The following GRID1 variants were observed in gnomAD, a reference collection of about 807,000 sequenced individuals.
GRID1 encodes glutamate receptor ionotropic, delta-1.
A neutral mutation model predicts 98.0 loss-of-function variants in GRID1; 28 were observed. The observed-to-expected ratio is 0.29, with a 90% confidence interval of 0.21 to 0.39. The LOEUF is 0.39. Among genes scored for constraint, GRID1 ranks in the 10% least tolerant of loss-of-function variants. The pLI, the probability that GRID1 is intolerant of heterozygous loss-of-function variation, is 1.00. For missense variants in GRID1, 1,111 were observed against 1,340.5 expected, an observed-to-expected ratio of 0.83 and a Z score of 2.67; for synonymous variants, 553 against 538.5, an observed-to-expected ratio of 1.03 and a Z score of -0.37.
chr10:85,768,840 A>C (rs1590223082), intron 8 of GRID1, among the ~76,000 whole-genome samples: 1 of 152,244 alleles, frequency 6.6e-6, no homozygotes, highest in African/African-American at 2.4e-5. Context: ...TATTTAGCAA[A>C]GTCACAAACA....
rs79330344 is a variant in GRID1 at position 86,143,086 on chromosome 10, G to A, written c.521-4062C>T. 7.7e-3 allele frequency among the ~76,000 whole-genome samples: 1,178 copies of A among 152,262 alleles called. 18 individuals carry two copies. Among genetic ancestry groups the A allele is most frequent in the African/African-American group, 0.027 (1,113 of 41,536 alleles). On this transcript the variant is annotated intron_variant, in intron 3 of 15. Coordinates refer to ENST00000327946, the MANE Select transcript of GRID1 (RefSeq NM_017551.3). ...GAGACAGTTTATGCTCCTTGCCAGC[G>A]GTGGCTCCTCACACCTGAAATCAGT... is the stretch of plus-strand genomic sequence containing the variant.
At chr10:85,705,768 C>G (rs557118771) in intron 12 of GRID1, among the ~76,000 whole-genome samples, 1 of 152,184 alleles carries the variant, frequency 6.6e-6, no homozygotes, top group East Asian at 1.9e-4. Context: ...CATGAGCCAC[C>G]ACTTGGGCTT....
chr10:86,138,731 A>G, intron 4 of GRID1, 88 bp downstream of exon 4: 1 of 1,052,528 alleles, frequency 9.5e-7, no homozygotes, highest in Non-Finnish European at 1.5e-6. Context: ...GCCATGCGTA[A>G]GACGACTGTG....
intron 4 of GRID1, among the ~76,000 whole-genome samples, chr10:85,925,043 A>G (rs373761183): frequency 3.7e-4 from 56 of 152,380 alleles, no homozygotes; most frequent in African/African-American, 1.3e-3. Context: ...TAATATCAGC[A>G]GAAAAATGAA....
chr10:85,599,802 A>AAAAAAAAT lies in GRID1; in HGVS notation c.*2470_*2471insATTTTTTT. Reference sequence around the variant, plus strand: ...GTAGAAAATTCTAAAAAAAAAAAAAAATATATATATATATATATAAACATG... The same window carrying AAAAAAAAT: ...GTAGAAAATTCTAAAAAAAAAAAAAAAAAAAAATATATATATATATATATATAAACATG... On this transcript the variant is annotated 3_prime_UTR_variant, in exon 16 of 16. Transcript: ENST00000327946. 1.8e-4 allele frequency: 12 copies of AAAAAAAAT among 64,982 alleles called. 1 individual carries two copies. Among genetic ancestry groups the AAAAAAAAT allele is most frequent in the African/African-American group, 1.0e-3 (11 of 10,730 alleles). The allele number at this position is 64,982 out of a possible 1,614,324, so 4.0% of individuals were successfully genotyped here.
intron 4 of GRID1, among the ~76,000 whole-genome samples, chr10:86,062,489 C>T (rs1219108011): frequency 1.3e-5 from 2 of 152,104 alleles, no homozygotes. Context: ...TTCCCAGACT[C>T]CTCTGCGAGC....
rs569175576 is a variant in GRID1, at chr10:85,610,927, C to T, written c.2601+2480G>A. The stretch of plus-strand genomic sequence containing the variant: ...TGCTGTGCTTTTCCAACCTGCCTCT[C>T]TCCATGTGTCCTCATTCCTATCTGG... On this transcript the variant is annotated intron_variant, in intron 15 of 15. Coordinates refer to ENST00000327946, the MANE Select transcript of GRID1 (RefSeq NM_017551.3). Among the ~76,000 whole-genome samples the T allele has an allele frequency of 1.1e-4, 16 of 152,356 alleles. No homozygotes were observed. In the South Asian group the frequency reaches 2.5e-3, roughly 24 times the overall value.
chr10:86,011,547 A>AG (rs1369664791), intron 4 of GRID1, among the ~76,000 whole-genome samples: 11 of 152,192 alleles, frequency 7.2e-5, no homozygotes, highest in African/African-American at 2.7e-4. Flanking sequence ...TGAAGGAAAG[A>AG]GGAAAAAAAA....
intron 4 of GRID1, among the ~76,000 whole-genome samples, chr10:85,929,285 C>T (rs1439941852): frequency 6.6e-6 from 1 of 151,986 alleles, no homozygotes; most frequent in Non-Finnish European, 1.5e-5. Flanking sequence ...GATAGTGACT[C>T]AAAGGTTTAA....
chr10:85,882,234 A>G (rs1167059600), intron 5 of GRID1, among the ~76,000 whole-genome samples: 5 of 152,322 alleles, frequency 3.3e-5, no homozygotes, highest in Non-Finnish European at 7.3e-5. Context: ...AGGGATCTAG[A>G]TCTAGAAATA....
rs1843886765 is a variant in GRID1, at chr10:86,076,716, C to T, written c.726+62103G>A. Among the ~76,000 whole-genome samples the T allele has an allele frequency of 2.0e-5, 3 of 152,266 alleles. No homozygotes were observed. In the South Asian group the frequency reaches 6.2e-4, roughly 32 times the overall value. On this transcript the variant is annotated intron_variant, in intron 4 of 15. Coordinates refer to ENST00000327946, the MANE Select transcript of GRID1 (RefSeq NM_017551.3). ...GTCCTTCAACTGATTAGGTGAGGCC[C>T]ACCCACATCATGGCGAGCAATCTGT... is the stretch of plus-strand genomic sequence containing the variant.
intron 4 of GRID1, among the ~76,000 whole-genome samples, chr10:85,936,936 A>G (rs560408875): frequency 6.6e-6 from 1 of 152,334 alleles, no homozygotes; most frequent in South Asian, 2.1e-4. Flanking sequence ...AATTAAAATA[A>G]TGCTTTTGTT....
At chr10:85,853,537 A>T (rs1387631630) in intron 8 of GRID1, among the ~76,000 whole-genome samples, 1 of 151,348 alleles carries the variant, frequency 6.6e-6, no homozygotes, top group East Asian at 2.0e-4. Flanking sequence ...TCCGGAGAAG[A>T]CCAAGCCACT....
At chr10:85,905,622 A>G (rs1418908180) in intron 5 of GRID1, among the ~76,000 whole-genome samples, 1 of 152,132 alleles carries the variant, frequency 6.6e-6, no homozygotes, top group Non-Finnish European at 1.5e-5. Flanking sequence ...CGGGAGGGTA[A>G]CACGGAGGGA....
In GRID1 at chr10:86,227,336, G is replaced by A. The variant is rs564805618; in HGVS notation, c.236-20688C>T. Among the ~76,000 whole-genome samples, 35 of 152,316 alleles carry A rather than the reference G, an allele frequency of 2.3e-4. No homozygotes were observed. In the East Asian group the frequency reaches 5.6e-3, roughly 24 times the overall value. On this transcript the variant is annotated intron_variant, in intron 2 of 15. Coordinates refer to ENST00000327946, the MANE Select transcript of GRID1 (RefSeq NM_017551.3). ...ATGAGACCAGCATTAAGGCAGGGGTGGTGGAGAGCTCATAGTACTCCCTAA... is the reference window on the plus strand; with the variant it reads ...ATGAGACCAGCATTAAGGCAGGGGTAGTGGAGAGCTCATAGTACTCCCTAA...
intron 5 of GRID1, among the ~76,000 whole-genome samples, chr10:85,898,719 A>G (rs888452798): frequency 1.3e-5 from 2 of 152,174 alleles, no homozygotes; most frequent in Non-Finnish European, 2.9e-5. Flanking sequence ...GGGCAATAGC[A>G]TGCATGGAGC....
chr10:86,345,629 C>G (rs1198262229), intron 2 of GRID1, among the ~76,000 whole-genome samples: 2 of 152,190 alleles, frequency 1.3e-5, no homozygotes, highest in African/African-American at 4.8e-5. Flanking sequence ...GTTGGGGGAG[C>G]TGACTAGCCT....
At chr10:85,915,293 C>T (rs1178565193) in intron 5 of GRID1, among the ~76,000 whole-genome samples, 2 of 152,066 alleles carry the variant, frequency 1.3e-5, no homozygotes, top group Admixed American at 6.6e-5. Flanking sequence ...TATGCACTTT[C>T]ATACATACAC....
chr10:86,204,684 T>C (rs1846000615), intron 3 of GRID1, among the ~76,000 whole-genome samples: 1 of 152,024 alleles, frequency 6.6e-6, no homozygotes, highest in African/African-American at 2.4e-5. Flanking sequence ...CGGCTGAGGC[T>C]CCCATCAAGG....
Sources: allele counts gnomAD v4.1 joint callset (sites outside exome capture counted in the v4.1 genomes callset), GRCh38; gene constraint gnomAD v4.1.1; transcripts MANE v1.5; gene names NCBI Gene and HGNC (gene_info 2026-07-23, HGNC 2026-07-21).